NUP210L: variants seen among roughly 807,000 people sequenced by gnomAD.
NUP210L encodes the protein nuclear pore membrane glycoprotein 210-like.
NUP210L carries 74 observed loss-of-function variants against 208.5 expected under a neutral mutation model. The observed-to-expected ratio is 0.35, with a 90% CI of 0.29 to 0.43. The LOEUF (loss-of-function observed/expected upper bound fraction) is 0.43, where lower values mean the gene tolerates loss of function less well. NUP210L is among the 20% of genes least tolerant of loss of function. NUP210L has a pLI of 1.00. For synonymous variants in NUP210L, 780 were observed against 816.9 expected, an observed-to-expected ratio of 0.95 and a Z score of 0.77; for missense variants, 1,843 against 2,289.4, an observed-to-expected ratio of 0.81 and a Z score of 3.98.
intron 24 of NUP210L, 64 bp downstream of exon 24, chr1:154,054,706 G>A: frequency 5.5e-6 from 6 of 1,097,660 alleles, no homozygotes; most frequent in Non-Finnish European, 8.4e-6. Flanking sequence ...AGGTGTGTGT[G>A]TGTGAGAGAG....
chr1:154,015,863 C>T (rs957567265), intron 33 of NUP210L, among the ~76,000 whole-genome samples: 7 of 150,874 alleles, frequency 4.6e-5, no homozygotes, highest in African/African-American at 1.7e-4. Context: ...TCTGAGATCA[C>T]ACCACTGCAC....
intron 16 of NUP210L, among the ~76,000 whole-genome samples, chr1:154,072,568 A>G (rs555881900): frequency 2.7e-4 from 41 of 151,970 alleles, no homozygotes; most frequent in South Asian, 8.3e-4. Context: ...TCCTGACCTC[A>G]TGATCCGCCC....
chr1:154,060,665 T>C, intron 19 of NUP210L, 24 bp from the exon 20 acceptor site: 1 of 1,474,130 alleles, frequency 6.8e-7, no homozygotes, highest in Non-Finnish European at 9.5e-7. Flanking sequence ...AGACAAACAA[T>C]ATTCTGTTTG....
chr1:154,070,294 T>C (rs776441354), exon 17 of NUP210L: 1 of 1,608,604 alleles, frequency 6.2e-7, no homozygotes, highest in South Asian at 1.1e-5. Flanking sequence ...GTCTGCCCAC[T>C]GCCATCATCT....
At chr1:154,058,370 A>C (rs1653980216) in intron 21 of NUP210L, among the ~76,000 whole-genome samples, 154 bp from the exon 22 acceptor site, 1 of 152,122 alleles carries the variant, frequency 6.6e-6, no homozygotes, top group African/African-American at 2.4e-5. Flanking sequence ...TATTGTTTTA[A>C]GTTGGTTTTT....
chr1:154,076,435 A>AT (rs1242165596), intron 16 of NUP210L, among the ~76,000 whole-genome samples: 1 of 152,110 alleles, frequency 6.6e-6, no homozygotes, highest in Non-Finnish European at 1.5e-5. Context: ...CCAAAGAACT[A>AT]AAGGTATTCA....
intron 27 of NUP210L, among the ~76,000 whole-genome samples, chr1:154,043,155 G>A (rs1224188642): frequency 6.7e-6 from 1 of 148,710 alleles, no homozygotes; most frequent in Admixed American, 6.8e-5. Flanking sequence ...GAGTAGCTGG[G>A]ATTACAGGTG....
At chr1:154,134,810 AC>A (rs1457029932) in intron 7 of NUP210L, among the ~76,000 whole-genome samples, 1 of 142,004 alleles carries the variant, frequency 7.0e-6, no homozygotes, top group Non-Finnish European at 1.5e-5. Flanking sequence ...ATCTTGGCTC[AC>A]CGCAACCTCC....
intron 1 of NUP210L, among the ~76,000 whole-genome samples, chr1:154,154,572 C>T (rs1316290417): frequency 2.6e-5 from 4 of 152,286 alleles, no homozygotes; most frequent in Admixed American, 2.0e-4. Context: ...CCAACACACA[C>T]AGAGAAGAGG....
At chr1:154,070,201 A>G (rs1349520522) in intron 17 of NUP210L, 72 bp downstream of exon 17, 2 of 1,277,962 alleles carry the variant, frequency 1.6e-6, no homozygotes, top group African/African-American at 3.0e-5. Flanking sequence ...AAAGCAAAAA[A>G]CAAAACAAAA....
chr1:154,058,836 A>G, intron 20 of NUP210L, 143 bp from the exon 21 acceptor site: 1 of 721,700 alleles, frequency 1.4e-6, no homozygotes, highest in Non-Finnish European at 2.2e-6. Context: ...AACATTATTC[A>G]GGCATAGCAT....
intron 12 of NUP210L, among the ~76,000 whole-genome samples, chr1:154,105,307 T>C (rs1398005249): frequency 1.3e-5 from 2 of 152,054 alleles, no homozygotes; most frequent in African/African-American, 4.8e-5. Flanking sequence ...CTGGCCAACA[T>C]GGCGAAACCC....
intron 16 of NUP210L, among the ~76,000 whole-genome samples, chr1:154,088,734 G>A (rs144959234): frequency 1.7e-3 from 257 of 152,176 alleles, no homozygotes; most frequent in African/African-American, 5.8e-3. Context: ...AAAATTAATC[G>A]ACTTTTAGGA....
chr1:154,006,380 A>T (rs1450882945), intron 35 of NUP210L, among the ~76,000 whole-genome samples: 1 of 152,062 alleles, frequency 6.6e-6, no homozygotes, highest in Non-Finnish European at 1.5e-5. Flanking sequence ...TTCTCTTCAC[A>T]TCTAGTTCAC....
At chr1:154,054,234 A>G in exon 25 of NUP210L, 1 of 1,614,162 alleles carries the variant, frequency 6.2e-7, no homozygotes, top group African/African-American at 1.3e-5. Context: ...ATACCTGAGA[A>G]AACACAATGA....
At chr1:154,056,130 AT>A (rs1029693150) in intron 23 of NUP210L, among the ~76,000 whole-genome samples, 20 of 152,210 alleles carry the variant, frequency 1.3e-4, no homozygotes, top group African/African-American at 4.8e-4. Context: ...CACCTTTAAA[AT>A]TTGTGCTTTC....
chr1:154,136,488 A>G (rs1345291954), intron 6 of NUP210L, among the ~76,000 whole-genome samples: 2 of 151,502 alleles, frequency 1.3e-5, no homozygotes, highest in African/African-American at 4.8e-5. Context: ...TTAAAAATAT[A>G]TATATACAGA....
chr1:154,120,092 G>C (rs1657536295), intron 10 of NUP210L, among the ~76,000 whole-genome samples: 1 of 152,172 alleles, frequency 6.6e-6, no homozygotes, highest in Non-Finnish European at 1.5e-5. Context: ...CATTCTAACT[G>C]GTGTGAGATG....
intron 10 of NUP210L, among the ~76,000 whole-genome samples, chr1:154,125,627 A>G (rs1338568822): frequency 0.011 from 7 of 616 alleles, no homozygotes; most frequent in Non-Finnish European, 0.036. Flanking sequence ...CTCTGAAAGG[A>G]AGGAAGGAAG....
Sources: gnomAD v4.1 joint callset for allele counts (sites outside exome capture counted in the v4.1 genomes callset) on GRCh38, gnomAD v4.1.1 for gene constraint, MANE v1.5 for transcripts, NCBI Gene and HGNC (gene_info 2026-07-23, HGNC 2026-07-21) for gene names.